Variants in DISC1 observed in about 807,000 individuals in gnomAD.
The protein encoded by DISC1 is disrupted in schizophrenia 1 protein.
In DISC1, 57 loss-of-function variants were observed where a neutral mutation model predicts 84.5. The ratio of observed to expected loss-of-function variants is 0.67; its 90% confidence interval spans 0.55 to 0.84. DISC1 has a LOEUF of 0.84. Ranked by LOEUF, DISC1 falls within the 40% of genes least tolerant of loss-of-function variation. The pLI is 0.00. For missense variants in DISC1, 1,000 were observed against 1,057.8 expected (o/e 0.95, Z 0.76); for synonymous variants, 411 against 415.2 (o/e 0.99, Z 0.12).
At chr1:231,706,461 G>A (rs186889474) in intron 3 of DISC1, among the ~76,000 whole-genome samples, 5 of 152,302 alleles carry the variant, frequency 3.3e-5, no homozygotes, top group Admixed American at 6.5e-5. Context: ...CTGGCTGCTC[G>A]TGTCCCATGT....
chr1:231,724,138 A>T, intron 3 of DISC1: 1 of 646,386 alleles, frequency 1.5e-6, no homozygotes, highest in African/African-American at 2.0e-5. Flanking sequence ...TTGGTACTTC[A>T]TTTGGCTTTG....
At chr1:231,791,903 G>T (rs536295355) in intron 6 of DISC1, among the ~76,000 whole-genome samples, 1 of 152,252 alleles carries the variant, frequency 6.6e-6, no homozygotes, top group Non-Finnish European at 1.5e-5. Flanking sequence ...GGACTAATGT[G>T]ACATCTTTGT....
intron 9 of DISC1, among the ~76,000 whole-genome samples, chr1:231,844,791 G>A (rs2083327017): frequency 6.6e-6 from 1 of 151,918 alleles, no homozygotes; most frequent in Admixed American, 6.6e-5. Flanking sequence ...GCCGGACATT[G>A]TGGTGGGCGC....
chr1:231,868,963 A>T (rs905884466), intron 9 of DISC1, among the ~76,000 whole-genome samples: 1 of 151,650 alleles, frequency 6.6e-6, no homozygotes, highest in South Asian at 2.1e-4. Context: ...ATCATGGGGT[A>T]ATAATAATCA....
rs540795424 is a variant in DISC1 at position 232,039,053 on chromosome 1, C to T, written c.*2222C>T. The T allele has an allele frequency of 6.6e-6, 1 of 152,216 alleles. No homozygotes were observed. The highest frequency in any genetic ancestry group is 1.5e-5 in the Non-Finnish European group (1 of 68,052). The allele number at this position is 152,216 out of a possible 1,614,324, so 9.4% of individuals were successfully genotyped here. ...ATGGCTTTATCTCGAGCAAAATACA[C>T]TCTACATATTTTAATAATAAGTATA... On this transcript the variant is annotated 3_prime_UTR_variant, in exon 13 of 13. Coordinates refer to ENST00000439617, the MANE Select transcript of DISC1 (RefSeq NM_018662.3).
chr1:232,007,637 G>T (rs1360599745), intron 10 of DISC1, among the ~76,000 whole-genome samples: 1 of 152,166 alleles, frequency 6.6e-6, no homozygotes, highest in East Asian at 1.9e-4. Context: ...AGGTGGAAGA[G>T]ACTTACTTTG....
rs1452775697 is a variant in DISC1 at position 231,694,294 on chromosome 1, C to T, written c.536C>T (p.Ser179Leu). The change falls in exon 2 of 13, where the codon TCA (serine) becomes TTA (leucine). Residue 179 changes from serine to leucine, a missense_variant. Coordinates refer to ENST00000439617, the MANE Select transcript of DISC1 (RefSeq NM_018662.3). The stretch of plus-strand genomic sequence containing the variant: ...GTCCGGGCAGCAGGCTCTCTGCCAT[C>T]AGCAGAGTTGAGTAGCAACAGCTGC... ...RRVRAAGSLP[S>L]AELSSNSCSP... 5 of 1,614,260 alleles carry T rather than the reference C, an allele frequency of 3.1e-6. No homozygotes were observed. Among genetic ancestry groups the T allele is most frequent in the Non-Finnish European group, 4.2e-6 (5 of 1,180,044 alleles).
intron 3 of DISC1, among the ~76,000 whole-genome samples, chr1:231,743,119 G>T (rs139048300): frequency 6.6e-6 from 1 of 152,300 alleles, no homozygotes; most frequent in African/African-American, 2.4e-5. Context: ...CAGTGGATGG[G>T]TATAGTTTAG....
At chr1:231,632,066 G>A (rs2058756450) in intron 1 of DISC1, among the ~76,000 whole-genome samples, 1 of 152,130 alleles carries the variant, frequency 6.6e-6, no homozygotes, top group African/African-American at 2.4e-5. Flanking sequence ...ACTTACCATT[G>A]TGTTACGGCT....
chr1:231,807,771 C>T (rs2079864000), intron 8 of DISC1, among the ~76,000 whole-genome samples: 1 of 152,154 alleles, frequency 6.6e-6, no homozygotes, highest in Non-Finnish European at 1.5e-5. Flanking sequence ...CTTTTTTAAT[C>T]AATTGGACCT....
At chr1:232,025,745 C>G (rs532698911) in intron 11 of DISC1, among the ~76,000 whole-genome samples, 1 of 152,028 alleles carries the variant, frequency 6.6e-6, no homozygotes, top group Non-Finnish European at 1.5e-5. Context: ...TACAGGCGCC[C>G]GCCACTACGC....
At chr1:231,765,195 C>CAAAAAAAA (rs71179793) in intron 4 of DISC1, among the ~76,000 whole-genome samples, 57 of 93,248 alleles carry the variant, frequency 6.1e-4, no homozygotes, top group South Asian at 1.2e-3. Flanking sequence ...GTCCACCCTA[C>CAAAAAAAA]AAAAAAAAAA....
intron 11 of DISC1, among the ~76,000 whole-genome samples, chr1:232,010,569 T>A (rs997982326): frequency 6.6e-6 from 1 of 152,098 alleles, no homozygotes; most frequent in African/African-American, 2.4e-5. Context: ...CCTTTACCCA[T>A]CTAAAGGTTC....
chr1:231,988,385 A>T (rs943323318), intron 10 of DISC1, among the ~76,000 whole-genome samples: 4 of 152,216 alleles, frequency 2.6e-5, no homozygotes, highest in Non-Finnish European at 5.9e-5. Flanking sequence ...AAATCTTTTT[A>T]AAAATCTACT....
chr1:231,915,791 C>T (rs1225641276), intron 9 of DISC1, among the ~76,000 whole-genome samples: 1 of 152,046 alleles, frequency 6.6e-6, no homozygotes, highest in African/African-American at 2.4e-5. Flanking sequence ...AAAACAAAAA[C>T]AAAAATAAAA....
intron 9 of DISC1, among the ~76,000 whole-genome samples, chr1:231,894,457 A>G (rs1312781655): frequency 2.6e-5 from 4 of 152,018 alleles, no homozygotes; most frequent in Non-Finnish European, 4.4e-5. Context: ...TGTTTTTGTC[A>G]TACAAAAAAT....
chr1:231,910,998 C>A (rs59485594), intron 9 of DISC1, among the ~76,000 whole-genome samples: 1,832 of 152,136 alleles, frequency 0.012, 36 homozygotes, highest in African/African-American at 0.042. Context: ...GGATTGCAAC[C>A]CCTGCTTTCT....
At chr1:231,783,677 T>C (rs1158149395) in intron 6 of DISC1, among the ~76,000 whole-genome samples, 1 of 152,140 alleles carries the variant, frequency 6.6e-6, no homozygotes, top group Admixed American at 6.5e-5. Flanking sequence ...AGGCAGAGCT[T>C]CCCAGTAAGC....
At chr1:231,920,042 A>C (rs929694195) in intron 9 of DISC1, among the ~76,000 whole-genome samples, 4 of 152,078 alleles carry the variant, frequency 2.6e-5, no homozygotes, top group Non-Finnish European at 4.4e-5. Context: ...GCATCGTAAG[A>C]GGTTTAGCAG....
Sources: allele counts gnomAD v4.1 joint callset (sites outside exome capture counted in the v4.1 genomes callset), GRCh38; gene constraint gnomAD v4.1.1; transcripts MANE v1.5; gene names NCBI Gene and HGNC (gene_info 2026-07-23, HGNC 2026-07-21).